AHCTF1: variants seen among roughly 807,000 people sequenced by gnomAD.
AHCTF1 encodes the protein protein ELYS.
A neutral mutation model predicts 248.4 loss-of-function variants in AHCTF1; 24 were observed. The ratio of observed to expected loss-of-function variants is 0.10; its 90% CI spans 0.07 to 0.14. The LOEUF (loss-of-function observed/expected upper bound fraction) is 0.14. Among genes scored for constraint, AHCTF1 ranks in the 10% least tolerant of loss-of-function variants. The probability of loss-of-function intolerance (pLI) is 1.00; values close to 1 mark genes in which losing one functional copy is unlikely to be tolerated. For synonymous variants in AHCTF1, 786 were observed against 929.8 expected (o/e 0.85, Z 2.81); for missense variants, 2,206 against 2,636.2 (o/e 0.84, Z 3.57).
At chr1:246,920,716 G>A (rs915649171) in intron 1 of AHCTF1, among the ~76,000 whole-genome samples, 13 of 149,242 alleles carry the variant, frequency 8.7e-5, no homozygotes, top group African/African-American at 3.2e-4. Flanking sequence ...CTTGCAGTGA[G>A]CCGAGATCGC....
At chr1:246,923,108 CAAA>C (rs34474643) in intron 1 of AHCTF1, among the ~76,000 whole-genome samples, 16 of 111,872 alleles carry the variant, frequency 1.4e-4, no homozygotes, top group Admixed American at 4.5e-4. Flanking sequence ...CAAATAATAC[CAAA>C]AAAAAAAAAA....
chr1:246,896,790 T>C (rs1664605372), intron 12 of AHCTF1, among the ~76,000 whole-genome samples: 1 of 152,180 alleles, frequency 6.6e-6, no homozygotes, highest in Non-Finnish European at 1.5e-5. Context: ...ACCTATTAAT[T>C]TCATTCATTA....
rs1275509950 is a variant in AHCTF1, at chr1:246,905,628, A to G, written c.794T>C (p.Val265Ala). ...EYYIQLESGQVPVYAVTFQEP... is the reference protein window; with the variant it reads ...EYYIQLESGQAPVYAVTFQEP... ...TTGAAAAGTGACAGCATATACAGGA[A>G]CTTGTCCACTTTCCAATTGTATGTA... The change falls in exon 6 of 36, where the codon GTT becomes GCT. Residue 265 changes from valine (V) to alanine (A), a missense_variant. This residue lies in a region of AHCTF1 where 650 missense variants were observed against 870.8 expected (regional missense o/e 0.75). Coordinates refer to ENST00000648844, the MANE Select transcript of AHCTF1 (RefSeq NM_001323342.2). The G allele has an allele frequency of 6.2e-7, 1 of 1,612,940 alleles. No homozygotes were observed. The highest frequency in any genetic ancestry group is 8.5e-7 in the Non-Finnish European group (1 of 1,179,648).
In AHCTF1 at chr1:246,903,154, C is replaced by T. The variant is rs183784916; in HGVS notation, c.967-479G>A. 1.6e-3 allele frequency among the ~76,000 whole-genome samples: 241 copies of T among 152,276 alleles called. 1 individual carries two copies. The highest frequency in any genetic ancestry group is 5.5e-3 in the African/African-American group (228 of 41,556). On this transcript the variant is annotated intron_variant, in intron 7 of 35. Coordinates refer to ENST00000648844, the MANE Select transcript of AHCTF1 (RefSeq NM_001323342.2). ...TGATTCCCTGAAACCCGTTTCTATA[C>T]GCCTCCAACATTAGGTTCAGAAAAG...
chr1:246,866,363 G>A (rs1202141977), intron 26 of AHCTF1, among the ~76,000 whole-genome samples: 6 of 151,912 alleles, frequency 3.9e-5, no homozygotes, highest in African/African-American at 7.3e-5. Context: ...AAAGAATGTC[G>A]GTAATAACGA....
At chr1:246,886,641 A>T (rs1394034001) in intron 20 of AHCTF1, among the ~76,000 whole-genome samples, 1 of 152,166 alleles carries the variant, frequency 6.6e-6, no homozygotes, top group East Asian at 1.9e-4. Flanking sequence ...CCACGGATGT[A>T]GAATCCATGG....
chr1:246,880,173 T>TA (rs1161909720), intron 21 of AHCTF1, among the ~76,000 whole-genome samples: 1 of 151,836 alleles, frequency 6.6e-6, no homozygotes, highest in Non-Finnish European at 1.5e-5. Flanking sequence ...TCTTAGCTCT[T>TA]AAACACTGAA....
In AHCTF1 at chr1:246,850,990, T is replaced by C; in HGVS notation, c.5016A>G (p.Leu1672=). The C allele has an allele frequency of 6.2e-7, 1 of 1,614,010 alleles. No individual in the cohort carries two copies. Among genetic ancestry groups the C allele is most frequent in the Non-Finnish European group, 8.5e-7 (1 of 1,179,876 alleles). The change falls in exon 33 of 36, where the codon TTA becomes TTG. Residue 1672 remains leucine, a synonymous_variant. Coordinates refer to ENST00000648844, the MANE Select transcript of AHCTF1 (RefSeq NM_001323342.2). ...EPIKVAIAEN[L]LDVIKDTRSK... is the part of the protein sequence containing the mutation. ...TTCTTGTGTCTTTAATTACATCTAG[T>C]AAATTTTCTGCAATTGCTACTTTAA...
chr1:246,914,075 A>G (rs1665986141), intron 3 of AHCTF1, among the ~76,000 whole-genome samples: 1 of 152,240 alleles, frequency 6.6e-6, no homozygotes, highest in Admixed American at 6.5e-5. Context: ...AGAAAAGTAT[A>G]CTTTAGCTAT....
At position 246,890,028 on chromosome 1, in the gene AHCTF1, G is replaced by A. The variant is rs750990107; in HGVS notation, c.2082C>T (p.Tyr694=). The A allele has an allele frequency of 3.1e-6, 5 of 1,612,674 alleles. No individual in the cohort carries two copies. In the African/African-American group the frequency reaches 5.3e-5, roughly 17 times the overall value. Residue 694 remains tyrosine (Y), a synonymous_variant, in exon 17 of 36, where the codon TAC becomes TAT. Coordinates refer to ENST00000648844, the MANE Select transcript of AHCTF1 (RefSeq NM_001323342.2). ...AGTAGTTCTGAATTACAGGGTAGTT[G>A]TAGCATAACCTTGACAACTGCACAG... ...DDSVQLSRLC[Y]NYPVIQNYYT...
chr1:246,908,923 TAATG>T (rs955231235), intron 4 of AHCTF1, among the ~76,000 whole-genome samples: 41 of 151,238 alleles, frequency 2.7e-4, no homozygotes, highest in African/African-American at 8.7e-4. Flanking sequence ...AAAAGAATCT[TAATG>T]AATGAAACAA....
chr1:246,897,884 T>C (rs369643786), intron 12 of AHCTF1, among the ~76,000 whole-genome samples: 41,497 of 150,828 alleles, frequency 0.28, 5,862 homozygotes, highest in African/African-American at 0.32. Flanking sequence ...GGGGCTGGGG[T>C]GGGAAGATCG....
chr1:246,890,085 A>G (rs1250844918), intron 16 of AHCTF1, 26 bp from the exon 17 acceptor site: 4 of 1,509,624 alleles, frequency 2.6e-6, no homozygotes, highest in Non-Finnish European at 3.7e-6. Context: ...TTGGAAAAAA[A>G]GCTGGTAATA....
In AHCTF1 at chr1:246,928,124, AC is replaced by A. The variant is rs550306158; in HGVS notation, c.-8+3453del. Among the ~76,000 whole-genome samples the A allele has an allele frequency of 1.2e-3, 182 of 151,334 alleles. 4 individuals carry two copies. The highest frequency in any genetic ancestry group is 3.7e-3 in the African/African-American group (153 of 41,216). ...AGACCATCCTGGCTAACACGGTGAA[AC>A]CCCATCTCTACTAAAAATACAAAAA... On this transcript the variant is annotated intron_variant, in intron 1 of 35. Coordinates refer to ENST00000648844, the MANE Select transcript of AHCTF1 (RefSeq NM_001323342.2).
intron 13 of AHCTF1, 60 bp from the exon 14 acceptor site, chr1:246,894,808 A>T: frequency 1.4e-6 from 2 of 1,445,568 alleles, no homozygotes; most frequent in South Asian, 2.4e-5. Context: ...AGAGTTCTAA[A>T]TTGTTGGTGG....
At chr1:246,892,052 C>A in intron 14 of AHCTF1, 133 bp from the exon 15 acceptor site, 1 of 1,059,392 alleles carries the variant, frequency 9.4e-7, no homozygotes, top group South Asian at 1.7e-5. Flanking sequence ...TAAAGACAAG[C>A]TAGAAATGGC....
At chr1:246,860,188 TG>T (rs57594834) in intron 29 of AHCTF1, among the ~76,000 whole-genome samples, 33,268 of 148,908 alleles carry the variant, frequency 0.22, 4,536 homozygotes, top group East Asian at 0.42. Context: ...TGAACCTGGT[TG>T]GGGGGGGGGC....
At chr1:246,897,467 C>T (rs559230978) in intron 12 of AHCTF1, among the ~76,000 whole-genome samples, 66 of 152,260 alleles carry the variant, frequency 4.3e-4, no homozygotes, top group African/African-American at 1.5e-3. Context: ...GATGGGGATA[C>T]ATTCCGATGA....
At chr1:246,841,770 T>C (rs1027533479) in intron 35 of AHCTF1, among the ~76,000 whole-genome samples, 1 of 151,852 alleles carries the variant, frequency 6.6e-6, no homozygotes, top group Non-Finnish European at 1.5e-5. Flanking sequence ...CACCCTACCA[T>C]CCTCCTTTTA....
Sources: gnomAD v4.1 joint callset for allele counts (sites outside exome capture counted in the v4.1 genomes callset) on GRCh38, gnomAD v4.1.1 for gene constraint, gnomAD v4.1.1 regional missense constraint, MANE v1.5 for transcripts, NCBI Gene and HGNC (gene_info 2026-07-23, HGNC 2026-07-21) for gene names.